CECR2: variants seen among roughly 807,000 people sequenced by gnomAD.
CECR2 encodes chromatin remodeling regulator CECR2.
CECR2 carries 30 observed loss-of-function variants against 154.5 expected under a neutral mutation model. The ratio of observed to expected loss-of-function variants is 0.19; its 90% confidence interval spans 0.15 to 0.26. CECR2 has a LOEUF of 0.26. CECR2 is among the 10% of genes least tolerant of loss of function. The probability of loss-of-function intolerance (pLI) is 1.00; values close to 1 mark genes in which losing one functional copy is unlikely to be tolerated. For missense variants in CECR2, 1,743 were observed against 1,829.3 expected (o/e 0.95, Z 0.86); for synonymous variants, 725 against 683.7 (o/e 1.06, Z -0.94).
At chr22:17,378,299 G>GT (rs1318005829) in intron 1 of CECR2, among the ~76,000 whole-genome samples, 3 of 147,914 alleles carry the variant, frequency 2.0e-5, no homozygotes, top group Non-Finnish European at 4.5e-5. Flanking sequence ...TTGTTTTTTT[G>GT]TTTTTTTGTT....
upstream of CECR2, among the ~76,000 whole-genome samples, chr22:17,365,239 GA>G (rs1040644959): frequency 6.6e-6 from 1 of 151,926 alleles, no homozygotes; most frequent in Non-Finnish European, 1.5e-5. Flanking sequence ...AAAGGAAAAA[GA>G]AAAAGATTTG....
intron 1 of CECR2, among the ~76,000 whole-genome samples, chr22:17,435,528 G>T (rs1015983222): frequency 1.3e-5 from 2 of 151,892 alleles, no homozygotes; most frequent in African/African-American, 4.8e-5. Context: ...CTAAGTTTAG[G>T]AAGCCCTCAG....
At chr22:17,370,223 C>G (rs1259101882) in intron 1 of CECR2, among the ~76,000 whole-genome samples, 2 of 150,200 alleles carry the variant, frequency 1.3e-5, no homozygotes, top group Admixed American at 6.6e-5. Flanking sequence ...CGGGACTTCT[C>G]CGGTGGGCTG....
At chr22:17,421,472 G>A (rs1417256883) in intron 1 of CECR2, among the ~76,000 whole-genome samples, 2 of 151,908 alleles carry the variant, frequency 1.3e-5, no homozygotes, top group East Asian at 3.9e-4. Context: ...AAAATTAGTC[G>A]GGTGTAGTGG....
At chr22:17,369,074 C>T (rs1191405851), upstream of CECR2, among the ~76,000 whole-genome samples, 1 of 152,172 alleles carries the variant, frequency 6.6e-6, no homozygotes, top group Non-Finnish European at 1.5e-5. Context: ...ACTGAACTCC[C>T]ACACGTGCAC....
intron 1 of CECR2, among the ~76,000 whole-genome samples, chr22:17,425,824 G>T (rs1201083171): frequency 1.3e-5 from 2 of 152,160 alleles, no homozygotes; most frequent in Non-Finnish European, 2.9e-5. Context: ...ACTGATGGTG[G>T]TGAGAATAAA....
intron 1 of CECR2, among the ~76,000 whole-genome samples, chr22:17,379,424 G>A (rs2063158776): frequency 6.6e-6 from 1 of 152,158 alleles, no homozygotes; most frequent in Admixed American, 6.5e-5. Flanking sequence ...AGGGAGGAGG[G>A]GTGAGGGGTG....
chr22:17,547,038 CAAAAAAAAAAAA>C (rs1167599171), intron 16 of CECR2, among the ~76,000 whole-genome samples: 1 of 53,824 alleles, frequency 1.9e-5, no homozygotes, highest in Non-Finnish European at 3.8e-5. Flanking sequence ...GACTCTGCCT[CAAAAAAAAAAAA>C]AAAAAAAAAG....
rs897928746 is a variant in CECR2, at chr22:17,542,559, G to A, written c.2416G>A (p.Gly806Ser). The change falls in exon 16 of 19, where the codon GGT (glycine) becomes AGT (serine). Residue 806 changes from glycine (G) to serine (S), a missense_variant. Gly to Ser is a moderately conservative substitution (Grantham distance 56). Transcript: ENST00000262608. ...PGPSHQPRTL[G>S]HVMDSRVMRP... The stretch of plus-strand genomic sequence containing the variant: ...ACCCTCTCACCAGCCTCGCACTCTC[G>A]GTCACGTGATGGATTCCCGAGTCAT... The A allele has an allele frequency of 7.4e-6, 12 of 1,613,794 alleles. No homozygotes were observed. In the African/African-American group the frequency reaches 9.3e-5, roughly 13 times the overall value.
At position 17,430,742 on chromosome 22, in the gene CECR2, G is replaced by T. The variant is rs558015037; in HGVS notation, c.127-46846G>T. On this transcript the variant is annotated intron_variant, in intron 1 of 18. Transcript: ENST00000262608. ...AGAACAAGGTTGCATCATCCCTTTG[G>T]GTCATGGCTGCAGTGTCTCTTGGTG... Among the ~76,000 whole-genome samples, 3 of 151,816 alleles carry T rather than the reference G, an allele frequency of 2.0e-5. No homozygotes were observed. In the South Asian group the frequency reaches 6.3e-4, roughly 32 times the overall value.
rs776164961 is a variant in CECR2, at chr22:17,542,643, G to T, written c.2500G>T (p.Val834Phe). Residue 834 changes from valine (V) to phenylalanine (F), a missense_variant, in exon 16 of 19, where the codon GTT becomes TTT. Val to Phe is a conservative substitution (Grantham distance 50). Transcript: ENST00000262608. Reference protein sequence around the residue: ...TEQSGFLPHGVPSSGYMRPPC... With the variant: ...TEQSGFLPHGFPSSGYMRPPC... ...ACAATCAGGCTTCCTACCTCATGGA[G>T]TTCCTTCCTCAGGGTACATGCGACC... The T allele has an allele frequency of 6.2e-7, 1 of 1,613,928 alleles. No homozygotes were observed. The highest frequency in any genetic ancestry group is 1.1e-5 in the South Asian group (1 of 91,092).
chr22:17,514,860 C>T (rs1270317117), intron 8 of CECR2, among the ~76,000 whole-genome samples: 17 of 152,020 alleles, frequency 1.1e-4, no homozygotes, highest in Admixed American at 8.5e-4. Flanking sequence ...GATGAAACCC[C>T]GTCTCTACTA....
At chr22:17,469,345 T>C (rs965687990) in intron 1 of CECR2, among the ~76,000 whole-genome samples, 2 of 152,218 alleles carry the variant, frequency 1.3e-5, no homozygotes, top group Non-Finnish European at 2.9e-5. Flanking sequence ...GTACTTTTCA[T>C]GGTCCTCACG....
At chr22:17,434,853 A>T (rs528796816) in intron 1 of CECR2, among the ~76,000 whole-genome samples, 7 of 152,286 alleles carry the variant, frequency 4.6e-5, no homozygotes, top group Non-Finnish European at 8.8e-5. Context: ...GTGAAAGGAT[A>T]GTGTCAAGTC....
At chr22:17,508,240 GCCTGAATGCATTGTGTTTA>G (rs373218065) in intron 7 of CECR2, among the ~76,000 whole-genome samples, 6,630 of 152,110 alleles carry the variant, frequency 0.044, 473 homozygotes, top group African/African-American at 0.15. Flanking sequence ...ATTGAGTGCA[GCCTGAATGCATTGTGTTTA>G]CAAGGTCTAC....
At chr22:17,370,774 G>C (rs539697070) in intron 1 of CECR2, among the ~76,000 whole-genome samples, 15 of 152,334 alleles carry the variant, frequency 9.8e-5, no homozygotes, top group African/African-American at 3.4e-4. Flanking sequence ...TCGGCGGCCA[G>C]GCATCGGCCA....
At chr22:17,546,383 G>T (rs2056614335) in intron 16 of CECR2, among the ~76,000 whole-genome samples, 1 of 151,652 alleles carries the variant, frequency 6.6e-6, no homozygotes, top group African/African-American at 2.4e-5. Context: ...CTACTCCGGA[G>T]GCTGAGGTGG....
chr22:17,465,711 C>T (rs1183848299), intron 1 of CECR2, among the ~76,000 whole-genome samples: 1 of 152,074 alleles, frequency 6.6e-6, no homozygotes. Context: ...TCATGAACTC[C>T]TGACCTCGTG....
At chr22:17,461,068 A>ATC (rs1406808070) in intron 1 of CECR2, among the ~76,000 whole-genome samples, 3 of 152,150 alleles carry the variant, frequency 2.0e-5, no homozygotes, top group Admixed American at 6.5e-5. Flanking sequence ...GCATCAGGGA[A>ATC]TCACCCATTA....
Sources: allele counts gnomAD v4.1 joint callset (sites outside exome capture counted in the v4.1 genomes callset), GRCh38; gene constraint gnomAD v4.1.1; transcripts MANE v1.5; gene names NCBI Gene and HGNC (gene_info 2026-07-23, HGNC 2026-07-21).